Variants in LAMA5 observed in about 807,000 individuals in gnomAD.
The protein encoded by LAMA5 is laminin subunit alpha 5.
Under a neutral mutation model 433.4 loss-of-function variants are expected in LAMA5, and 260 were observed. The observed-to-expected ratio is 0.60, with a 90% CI of 0.54 to 0.66. LAMA5 has a LOEUF of 0.66. LAMA5 is among the 30% of genes least tolerant of loss of function. LAMA5 has a pLI of 0.00. For synonymous variants in LAMA5, 2,620 were observed against 2,226.6 expected, an observed-to-expected ratio of 1.18 and a Z score of -4.97; for missense variants, 5,378 against 5,258.5, an observed-to-expected ratio of 1.02 and a Z score of -0.70.
intron 9 of LAMA5, 137 bp downstream of exon 9, chr20:62,346,369 C>A: frequency 7.4e-7 from 1 of 1,354,970 alleles, no homozygotes. Flanking sequence ...GGACCCGCCC[C>A]GTGGCCTGGG....
chr20:62,332,951 G>GGAGGCAGGAGGCAA, intron 26 of LAMA5, 139 bp downstream of exon 26: 2 of 1,184,218 alleles, frequency 1.7e-6, no homozygotes, highest in Non-Finnish European at 2.3e-6. Context: ...GCAGGAGGCA[G>GGAGGCAGGAGGCAA]GGGCGCCCTG....
intron 2 of LAMA5, chr20:62,355,581 TC>T (rs1445547505): frequency 5.3e-5 from 8 of 152,100 alleles, no homozygotes; most frequent in Non-Finnish European, 7.3e-5. Flanking sequence ...AGCGCAGCCT[TC>T]CGGGGTTGGG....
intron 52 of LAMA5, 66 bp downstream of exon 52, chr20:62,318,777 C>T: frequency 1.9e-6 from 3 of 1,584,266 alleles, no homozygotes; most frequent in Non-Finnish European, 1.7e-6. Context: ...CCATGCTGAC[C>T]TCCCCCTTGG....
chr20:62,316,762 C>A lies in LAMA5; in HGVS notation c.7665G>T (p.Arg2555=). The change falls in exon 57 of 80, where the codon CGG becomes CGT. Residue 2555 remains arginine (R), a synonymous_variant. Transcript: ENST00000252999. ...QADHTWATVV[R]QGLVDRAQQL... ...GCTGGGCTCGGTCCACCAGGCCCTG[C>A]CGCACCACCGTCTGTGGATGCCAGG... 2 of 1,605,132 alleles carry A rather than the reference C, an allele frequency of 1.2e-6. No homozygotes were observed. Among genetic ancestry groups the A allele is most frequent in the East Asian group, 2.2e-5 (1 of 44,662 alleles).
chr20:62,327,108 T>C, intron 38 of LAMA5, 125 bp downstream of exon 38: 2 of 1,148,394 alleles, frequency 1.7e-6, no homozygotes, highest in Non-Finnish European at 2.4e-6. Flanking sequence ...GGACAGGGCC[T>C]GGGCACCCTC....
chr20:62,326,829 C>T, intron 39 of LAMA5, 36 bp downstream of exon 39: 1 of 1,601,600 alleles, frequency 6.2e-7, no homozygotes, highest in East Asian at 2.2e-5. Context: ...GCCACGCCCA[C>T]CCAACCACCC....
Position 62,356,677 on chromosome 20 carries a change from G to A in LAMA5, c.451-3426C>T, listed in dbSNP as rs535167528. The stretch of plus-strand genomic sequence containing the variant: ...GGGTGGGCAAGAGCCCCAGGAGTAC[G>A]GGGCCCAGGACCCAGGGCCCAGGCC... On this transcript the variant is annotated intron_variant, in intron 2 of 79. Transcript: ENST00000252999. Among the ~76,000 whole-genome samples, 14 of 152,138 alleles carry A rather than the reference G, an allele frequency of 9.2e-5. No homozygotes were observed. In the South Asian group the frequency reaches 1.2e-3, roughly 14 times the overall value.
Position 62,338,451 on chromosome 20 carries a change from G to A in LAMA5, c.1618+17C>T, listed in dbSNP as rs201819505. The A allele has an allele frequency of 1.1e-4, 182 of 1,607,544 alleles. 2 individuals carry two copies. In the East Asian group the frequency reaches 3.8e-3, roughly 33 times the overall value. ...CCTCGAGCGCAGGTAGAGGTTGAGC[G>A]GGGAGAGGGGACTCACGCTGGCAGC... On this transcript the variant is annotated intron_variant, in intron 12 of 79. Coordinates refer to ENST00000252999, the MANE Select transcript of LAMA5 (RefSeq NM_005560.6).
chr20:62,313,944 G>GGCACGGAGAGACGGGTGGCGAGTGT, intron 62 of LAMA5, 142 bp from the exon 63 acceptor site: 2 of 810,140 alleles, frequency 2.5e-6, no homozygotes, highest in Non-Finnish European at 3.7e-6. Flanking sequence ...GTGGCGAGTG[G>GGCACGGAGAGACGGGTGGCGAGTGT]GCATGGAGAG....
Position 62,359,085 on chromosome 20 carries a change from G to T in LAMA5, c.450+3315C>A, listed in dbSNP as rs1985657017. On this transcript the variant is annotated intron_variant, in intron 2 of 79. Transcript: ENST00000252999. The surrounding 1 kb of genome is among the most constrained non-coding windows in gnomAD (Gnocchi z 4.3). ...TTGCCCTGCAGCTCTGGGCCTCGGG[G>T]ACTGGGACAAAGCCGCTACCCCACC... 6.6e-6 allele frequency among the ~76,000 whole-genome samples: 1 copy of T among 152,144 alleles called. No homozygotes were observed. The highest frequency in any genetic ancestry group is 1.5e-5 in the Non-Finnish European group (1 of 68,022).
chr20:62,323,560 A>C lies in LAMA5; in HGVS notation c.5960T>G (p.Leu1987Arg), dbSNP rs767721378. The C allele has an allele frequency of 8.1e-5, 129 of 1,600,368 alleles. No homozygotes were observed. The highest frequency in any genetic ancestry group is 1.0e-4 in the Non-Finnish European group (118 of 1,175,840). Residue 1987 changes from leucine to arginine, a missense_variant, in exon 45 of 80, where the codon CTG becomes CGG. Coordinates refer to ENST00000252999, the MANE Select transcript of LAMA5 (RefSeq NM_005560.6). ...CAGGCAGCCACGGCAGGCGCCCGTC[A>C]GGGGGTCGCAGTCGCTGAAGAGCAA... Reference protein sequence around the residue: ...PNLLFSDCDPLTGACRGCLRH... With the variant: ...PNLLFSDCDPRTGACRGCLRH...
chr20:62,357,638 G>A (rs1392679126), intron 2 of LAMA5, among the ~76,000 whole-genome samples: 1 of 152,182 alleles, frequency 6.6e-6, no homozygotes, highest in Non-Finnish European at 1.5e-5. Flanking sequence ...GAAAAGCCGG[G>A]GGTTTCCACA....
intron 62 of LAMA5, 59 bp downstream of exon 62, chr20:62,314,245 G>A: frequency 5.7e-6 from 9 of 1,570,362 alleles, no homozygotes; most frequent in Non-Finnish European, 7.8e-6. Flanking sequence ...GGGGAGAGAT[G>A]GCGAACGGGC....
At chr20:62,318,119 G>C (rs868736735) in intron 53 of LAMA5, among the ~76,000 whole-genome samples, 1 of 17,532 alleles carries the variant, frequency 5.7e-5, no homozygotes, top group Non-Finnish European at 1.4e-4. Context: ...GGTGGGGAAA[G>C]GGATGAGGAT....
intron 48 of LAMA5, among the ~76,000 whole-genome samples, chr20:62,321,452 TAGGGCCA>T (rs1987745283): frequency 9.6e-4 from 1 of 1,038 alleles, no homozygotes; most frequent in Non-Finnish European, 1.9e-3. Context: ...AGCAGAGGGG[TAGGGCCA>T]GCAGAGGGGT....
chr20:62,330,579 C>G lies in LAMA5; in HGVS notation c.3888G>C (p.Leu1296=). The G allele has an allele frequency of 1.3e-6, 2 of 1,593,140 alleles. No individual in the cohort carries two copies. Among genetic ancestry groups the G allele is most frequent in the South Asian group, 2.3e-5 (2 of 87,262 alleles). The change falls in exon 31 of 80, where the codon CTG becomes CTC. Residue 1296 remains leucine (L), a synonymous_variant. Transcript: ENST00000252999. ...TVVFTTHVPT[L]GRYAFLLHGY... is the part of the protein sequence containing the mutation. ...CGTGCAGCAGGAAGGCATAGCGGCCCAGCGTGGGCACATGGGTGGTGAAGA... is the reference window on the plus strand; with the variant it reads ...CGTGCAGCAGGAAGGCATAGCGGCCGAGCGTGGGCACATGGGTGGTGAAGA...
Position 62,324,811 on chromosome 20 carries a change from T to C in LAMA5, c.5530-257A>G. ...GTCCTGTCTCGGGAATGACCAGGCC[T>C]TGGGGCTGGTGACCACCCACTCCAT... is the stretch of plus-strand genomic sequence containing the variant. On this transcript the variant is annotated intron_variant, in intron 41 of 79. Coordinates refer to ENST00000252999, the MANE Select transcript of LAMA5 (RefSeq NM_005560.6). The surrounding 1 kb of genome is among the most constrained non-coding windows in gnomAD (Gnocchi z 4.4). 1 of 510,196 alleles carries C rather than the reference T, an allele frequency of 2.0e-6. No homozygotes were observed. The highest frequency in any genetic ancestry group is 3.3e-5 in the Admixed American group (1 of 30,434). The allele number at this position is 510,196 out of a possible 1,614,324, so 31.6% of individuals were successfully genotyped here.
chr20:62,324,159 C>T lies in LAMA5; in HGVS notation c.5689G>A (p.Ala1897Thr), dbSNP rs1267503597. The change falls in exon 43 of 80, where the codon GCT becomes ACT. Residue 1897 changes from alanine to threonine, a missense_variant. By Grantham distance (58) the Ala-to-Thr change is moderately conservative. Coordinates refer to ENST00000252999, the MANE Select transcript of LAMA5 (RefSeq NM_005560.6). This position sits in a 1 kb window ranked among gnomAD's most constrained non-coding sequence, Gnocchi z 4.4. Reference protein sequence around the residue: ...TEGAHCERCQAGFVSSRDDPS... With the variant: ...TEGAHCERCQTGFVSSRDDPS... ...TCGTCCCTGCTGCTCACGAAGCCAG[C>T]CTGGCAGCGCTCACAGTGGGCCCCT... 1.9e-6 allele frequency: 3 copies of T among 1,561,804 alleles called. No individual in the cohort carries two copies. The highest frequency in any genetic ancestry group is 2.8e-5 in the African/African-American group (2 of 71,226).
Position 62,330,844 on chromosome 20 carries a change from C to G in LAMA5, c.3751G>C (p.Ala1251Pro). The change falls in exon 30 of 80, where the codon GCG becomes CCG. Residue 1251 changes from alanine (A) to proline (P), a missense_variant. Transcript: ENST00000252999. ...GACATGGCTGGAGTGAGATCCTGCG[C>G]GTGGGTCAGCGGGAGGCCGGGCGGC... Reference protein sequence around the residue: ...PLPPGLPLTHAQDLTPAMSPA... With the variant: ...PLPPGLPLTHPQDLTPAMSPA... 2 of 1,541,412 alleles carry G rather than the reference C, an allele frequency of 1.3e-6. No homozygotes were observed. Among genetic ancestry groups the G allele is most frequent in the Non-Finnish European group, 8.7e-7 (1 of 1,143,230 alleles).
Sources: gnomAD v4.1 joint callset for allele counts (sites outside exome capture counted in the v4.1 genomes callset) on GRCh38, gnomAD v4.1.1 for gene constraint, Gnocchi (gnomAD v3.1) non-coding constraint, MANE v1.5 for transcripts, NCBI Gene and HGNC (gene_info 2026-07-23, HGNC 2026-07-21) for gene names.